SDE2: variants seen among roughly 807,000 people sequenced by gnomAD.
The protein encoded by SDE2 is splicing regulator SDE2.
A neutral mutation model predicts 46.9 loss-of-function variants in SDE2; 31 were observed. The ratio of observed to expected loss-of-function variants is 0.66; its 90% CI spans 0.50 to 0.89. The LOEUF is 0.89. SDE2 is among the 40% of genes least tolerant of loss of function. The pLI, the probability that SDE2 is intolerant of heterozygous loss-of-function variation, is 0.00. For synonymous variants in SDE2, 205 were observed against 204.3 expected, an observed-to-expected ratio of 1.00 and a Z score of -0.03; for missense variants, 542 against 564.4, an observed-to-expected ratio of 0.96 and a Z score of 0.40.
At position 225,991,953 on chromosome 1, in the gene SDE2, T is replaced by C. The variant is rs1656409586; in HGVS notation, c.520+445A>G. On this transcript the variant is annotated intron_variant, in intron 4 of 6. Transcript: ENST00000272091. ...ATGTTGGCTGGGCTCATGCCTGTAA[T>C]CCCAAGCACGAGGTTAGGAGTTTGA... Among the ~76,000 whole-genome samples, 4 of 152,164 alleles carry C rather than the reference T, an allele frequency of 2.6e-5. No homozygotes were observed. The South Asian group carries it at 8.3e-4, about 31-fold the overall frequency.
At chr1:225,985,558 G>A in intron 6 of SDE2, 35 bp from the exon 7 acceptor site, 1 of 1,341,124 alleles carries the variant, frequency 7.5e-7, no homozygotes. Flanking sequence ...TTTAAAACAG[G>A]CTCCTTCCTC....
At chr1:225,989,707 C>T (rs368743324) in intron 5 of SDE2, among the ~76,000 whole-genome samples, 9 of 151,680 alleles carry the variant, frequency 5.9e-5, no homozygotes, top group Admixed American at 2.0e-4. Context: ...AAAGAAAATC[C>T]TAGGAACAAT....
At chr1:225,994,251 A>C (rs1042425226) in intron 2 of SDE2, among the ~76,000 whole-genome samples, 1 of 151,888 alleles carries the variant, frequency 6.6e-6, no homozygotes, top group Non-Finnish European at 1.5e-5. Context: ...TAATTTTTAT[A>C]TCTCTAGTAG....
At chr1:225,998,309 C>T (rs1009722410) in intron 1 of SDE2, among the ~76,000 whole-genome samples, 1 of 152,190 alleles carries the variant, frequency 6.6e-6, no homozygotes, top group Non-Finnish European at 1.5e-5. Flanking sequence ...ACACACATTG[C>T]TTCTTCACGG....
At chr1:225,991,915 T>C (rs1380291061) in intron 4 of SDE2, among the ~76,000 whole-genome samples, 1 of 152,076 alleles carries the variant, frequency 6.6e-6, no homozygotes, top group Non-Finnish European at 1.5e-5. Context: ...AATTCAGGGG[T>C]TAAATATGCC....
rs531194947 is a variant in SDE2 at position 225,992,401 on chromosome 1, T to G, written c.517A>C (p.Lys173Gln). Reference protein sequence around the residue: ...MAERLEDSVLKGMQAASSKMV... With the variant: ...MAERLEDSVLQGMQAASSKMV... ...ACTAAGGAATCCTCATTCTCACCTT[T>G]GAGGACGGAATCCTCCAGACGCTCA... The change falls in exon 4 of 7, where the codon AAA becomes CAA. Residue 173 changes from lysine to glutamine, a missense_variant. Physicochemically the swap from Lys to Gln is moderately conservative, Grantham distance 53. Transcript: ENST00000272091. 2.7e-5 allele frequency: 44 copies of G among 1,612,952 alleles called. No individual in the cohort carries two copies. In the East Asian group the frequency reaches 8.5e-4, roughly 31 times the overall value.
intron 1 of SDE2, 150 bp from the exon 2 acceptor site, chr1:225,995,533 GAA>G: frequency 1.9e-6 from 1 of 524,472 alleles, no homozygotes; most frequent in Non-Finnish European, 3.4e-6. Context: ...ACTACTAGGA[GAA>G]AAAGTCATTT....
At chr1:225,995,893 G>A (rs2816323) in intron 1 of SDE2, among the ~76,000 whole-genome samples, 121,037 of 152,098 alleles carry the variant, frequency 0.8, 49,036 homozygotes, top group Non-Finnish European at 0.87. Flanking sequence ...GAGCAAAAAT[G>A]AGCAAAGTTG....
At chr1:225,992,588 G>T (rs747471628) in intron 3 of SDE2, 21 bp from the exon 4 acceptor site, 15 of 1,514,474 alleles carry the variant, frequency 9.9e-6, no homozygotes, top group Non-Finnish European at 1.3e-5. Flanking sequence ...GGGAGGAAGA[G>T]ATATAACTGA....
At chr1:225,999,138 A>G in intron 1 of SDE2, 55 bp downstream of exon 1, 2 of 1,486,230 alleles carry the variant, frequency 1.3e-6, no homozygotes, top group Non-Finnish European at 1.9e-6. Flanking sequence ...CTCCGCACCC[A>G]GCGCTGCCAC....
At chr1:225,990,947 G>A (rs1226453851) in intron 5 of SDE2, among the ~76,000 whole-genome samples, 1 of 152,050 alleles carries the variant, frequency 6.6e-6, no homozygotes, top group Admixed American at 6.6e-5. Flanking sequence ...TTTCCACCTA[G>A]AATTTCTAAA....
chr1:225,999,112 G>A lies in SDE2; in HGVS notation c.120+81C>T, dbSNP rs1006000937. On this transcript the variant is annotated intron_variant, in intron 1 of 6. Transcript: ENST00000272091. ...AACCCCAGAGAATAAACGTACCCCC[G>A]CCCCGGACAGACCTACTCCGCACCC... is the stretch of plus-strand genomic sequence containing the variant. The A allele has an allele frequency of 7.9e-6, 9 of 1,146,408 alleles. No individual in the cohort carries two copies. The African/African-American group carries it at 9.2e-5, about 12-fold the overall frequency. The allele number at this position is 1,146,408 out of a possible 1,614,324, so 71.0% of individuals were successfully genotyped here.
rs1290626654 is a variant in SDE2, at chr1:225,999,316, AC to A, written c.-5del. On this transcript the variant is annotated 5_prime_UTR_variant, in exon 1 of 7. Transcript: ENST00000272091. ...CCAGCGCCGCGGCCTCCGCCATGTC[AC>A]CGACTACCCGAACCTCAAGCCTCTC... is the stretch of plus-strand genomic sequence containing the variant. 25 of 1,610,574 alleles carry A rather than the reference AC, an allele frequency of 1.6e-5. No individual in the cohort carries two copies. Among genetic ancestry groups the A allele is most frequent in the African/African-American group, 4.0e-5 (3 of 74,796 alleles).
Position 225,983,804 on chromosome 1 carries a change from C to A in SDE2, c.*1498G>T, listed in dbSNP as rs146091318. ...TCAATAAAACTAAGAGGATTGAAAT[C>A]ATAAAGAGGATATTTTCTGACCTCA... On this transcript the variant is annotated 3_prime_UTR_variant, in exon 7 of 7. Coordinates refer to ENST00000272091, the MANE Select transcript of SDE2 (RefSeq NM_152608.4). The A allele has an allele frequency of 1.3e-3, 192 of 152,086 alleles. No individual in the cohort carries two copies. The highest frequency in any genetic ancestry group is 4.4e-3 in the African/African-American group (183 of 41,474). 9.4% of individuals were successfully genotyped at this position (152,086 alleles called of 1,614,324 possible).
At chr1:225,999,143 T>C in intron 1 of SDE2, 50 bp downstream of exon 1, 2 of 1,509,060 alleles carry the variant, frequency 1.3e-6, no homozygotes, top group Non-Finnish European at 1.8e-6. Flanking sequence ...CACCCAGCGC[T>C]GCCACCTGTC....
At chr1:225,996,212 C>T (rs1656520822) in intron 1 of SDE2, among the ~76,000 whole-genome samples, 1 of 152,116 alleles carries the variant, frequency 6.6e-6, no homozygotes, top group Admixed American at 6.6e-5. Context: ...AGGCTATCTG[C>T]AATGAGGTAA....
At chr1:225,998,303 A>G (rs1276870631) in intron 1 of SDE2, among the ~76,000 whole-genome samples, 1 of 152,226 alleles carries the variant, frequency 6.6e-6, no homozygotes, top group Non-Finnish European at 1.5e-5. Flanking sequence ...TTGCAAACAC[A>G]CATTGCTTCT....
intron 5 of SDE2, 41 bp downstream of exon 5, chr1:225,991,202 A>C: frequency 6.3e-7 from 1 of 1,593,224 alleles, no homozygotes; most frequent in Non-Finnish European, 8.6e-7. Context: ...GTCTCAAGTC[A>C]GTCCTCAAAG....
chr1:225,985,491 C>T lies in SDE2; in HGVS notation c.1167G>A (p.Ala389=), dbSNP rs201730097. ...ACTCCAGTTCTGCAACAGAGGTGAA[C>T]GCCAATAAATCTATAGTTTCCTTAT... is the stretch of plus-strand genomic sequence containing the variant. ...VIDKETIDLL[A]FTSVAELELL... is the part of the protein sequence containing the mutation. Residue 389 remains alanine (A), a synonymous_variant, in exon 7 of 7, where the codon GCG becomes GCA. Coordinates refer to ENST00000272091, the MANE Select transcript of SDE2 (RefSeq NM_152608.4). 2,127 of 1,613,202 alleles carry T rather than the reference C, an allele frequency of 1.3e-3. 3 individuals carry two copies. The highest frequency in any genetic ancestry group is 1.7e-3 in the Non-Finnish European group (2,020 of 1,179,230).
Sources: allele counts gnomAD v4.1 joint callset (sites outside exome capture counted in the v4.1 genomes callset), GRCh38; gene constraint gnomAD v4.1.1; transcripts MANE v1.5; gene names NCBI Gene and HGNC (gene_info 2026-07-23, HGNC 2026-07-21).